The following PRDM16 variants were observed in gnomAD, a reference collection of about 807,000 sequenced individuals.
PRDM16 encodes the protein histone-lysine N-methyltransferase PRDM16.
In PRDM16, 23 loss-of-function variants were observed where a neutral mutation model predicts 110.6. The ratio of observed to expected loss-of-function variants is 0.21; its 90% CI spans 0.15 to 0.29. PRDM16 has a LOEUF of 0.29. Among genes scored for constraint, PRDM16 ranks in the 10% least tolerant of loss-of-function variants. PRDM16 has a pLI of 1.00. For synonymous variants in PRDM16, 799 were observed against 781.8 expected (o/e 1.02, Z -0.37); for missense variants, 1,615 against 1,794.3 (o/e 0.90, Z 1.81).
intron 3 of PRDM16, among the ~76,000 whole-genome samples, chr1:3,264,483 A>G (rs1640240464): frequency 6.8e-6 from 1 of 147,720 alleles, no homozygotes; most frequent in Non-Finnish European, 1.5e-5. Context: ...ACCCTAGGCC[A>G]GGAGGAGAGG....
chr1:3,154,584 T>C (rs937357691), intron 1 of PRDM16, among the ~76,000 whole-genome samples: 3 of 152,140 alleles, frequency 2.0e-5, no homozygotes, highest in Non-Finnish European at 4.4e-5. Flanking sequence ...TTGGCCCCCA[T>C]GGCCCAAGCT....
chr1:3,224,959 G>T (rs1639252521), intron 2 of PRDM16, among the ~76,000 whole-genome samples: 1 of 152,240 alleles, frequency 6.6e-6, no homozygotes, highest in Non-Finnish European at 1.5e-5. Context: ...TACGGTGCTT[G>T]GGTCAGAGAC....
intron 3 of PRDM16, among the ~76,000 whole-genome samples, chr1:3,323,049 G>A (rs1460394177): frequency 1.3e-5 from 2 of 152,164 alleles, no homozygotes; most frequent in Admixed American, 6.5e-5. Context: ...TGCGACACCC[G>A]AGCACAGAGC....
At chr1:3,319,384 T>C (rs1005263946) in intron 3 of PRDM16, among the ~76,000 whole-genome samples, 2 of 152,142 alleles carry the variant, frequency 1.3e-5, no homozygotes, top group Non-Finnish European at 2.9e-5. Flanking sequence ...TATTCCAAAA[T>C]GTTTGGCCTT....
At chr1:3,317,117 C>T (rs146004863) in intron 3 of PRDM16, among the ~76,000 whole-genome samples, 10 of 152,322 alleles carry the variant, frequency 6.6e-5, no homozygotes, top group Non-Finnish European at 1.3e-4. Flanking sequence ...CAGCGCCCTA[C>T]GTGGTCTCGA....
intron 2 of PRDM16, 35 bp downstream of exon 2, chr1:3,186,509 C>T: frequency 7.7e-6 from 10 of 1,301,616 alleles, no homozygotes; most frequent in Non-Finnish European, 1.0e-5. Context: ...TTGATCACGG[C>T]CATTTATCTT....
chr1:3,276,969 C>T (rs917870385), intron 3 of PRDM16, among the ~76,000 whole-genome samples: 5 of 152,104 alleles, frequency 3.3e-5, no homozygotes, highest in Admixed American at 6.5e-5. Context: ...CTCTCGTCCC[C>T]GTGGTGTTTG....
intron 1 of PRDM16, among the ~76,000 whole-genome samples, chr1:3,181,611 TACAC>T (rs1225121163): frequency 7.4e-6 from 1 of 135,434 alleles, no homozygotes; most frequent in Admixed American, 7.5e-5. Context: ...CATGCAGTCT[TACAC>T]ACGGTCTTAC....
intron 2 of PRDM16, among the ~76,000 whole-genome samples, chr1:3,188,779 G>A (rs1644303154): frequency 6.6e-6 from 1 of 152,198 alleles, no homozygotes; most frequent in East Asian, 1.9e-4. Flanking sequence ...TTCGGGAGCT[G>A]ACATTGGAAC....
At position 3,437,916 on chromosome 1, in the gene PRDM16, G is replaced by A. The variant is rs546252045; in HGVS notation, c.*4105G>A. On this transcript the variant is annotated 3_prime_UTR_variant, in exon 17 of 17. Coordinates refer to ENST00000270722, the MANE Select transcript of PRDM16 (RefSeq NM_022114.4). ...TGGTGTCAGAGTCGTAATTTAAAGC[G>A]TGTGTGTATATGGACTTTGTCCCTT... The A allele has an allele frequency of 7.4e-4, 162 of 220,200 alleles. No homozygotes were observed. The highest frequency in any genetic ancestry group is 1.2e-3 in the Non-Finnish European group (128 of 109,782). The allele number at this position is 220,200 out of a possible 1,614,324, so 13.6% of individuals were successfully genotyped here.
intron 3 of PRDM16, among the ~76,000 whole-genome samples, chr1:3,383,739 C>T (rs1259635844): frequency 4.6e-5 from 7 of 152,194 alleles, no homozygotes; most frequent in Admixed American, 3.9e-4. Context: ...CCACTGTTTT[C>T]ACTTGGACAG....
intron 3 of PRDM16, among the ~76,000 whole-genome samples, chr1:3,368,782 C>T (rs1642861047): frequency 6.6e-6 from 1 of 152,168 alleles, no homozygotes; most frequent in African/African-American, 2.4e-5. Flanking sequence ...GCAGCTCCCT[C>T]CAGGGAGGAA....
At chr1:3,419,951 T>C (rs886188690) in intron 12 of PRDM16, among the ~76,000 whole-genome samples, 1 of 150,328 alleles carries the variant, frequency 6.7e-6, no homozygotes, top group African/African-American at 2.4e-5. Flanking sequence ...CAAAAAATAG[T>C]GACTTACAAC....
At chr1:3,364,327 T>C (rs1343567693) in intron 3 of PRDM16, among the ~76,000 whole-genome samples, 1 of 152,250 alleles carries the variant, frequency 6.6e-6, no homozygotes, top group South Asian at 2.1e-4. Flanking sequence ...TGGTTTTCCA[T>C]GAAGTGGCCC....
intron 2 of PRDM16, among the ~76,000 whole-genome samples, chr1:3,230,995 G>C (rs2100885225): frequency 6.6e-6 from 1 of 152,260 alleles, no homozygotes; most frequent in South Asian, 2.1e-4. Context: ...CCGCCTCTCT[G>C]CTGGCAGCTG....
chr1:3,277,645 C>T (rs1024707830), intron 3 of PRDM16, among the ~76,000 whole-genome samples: 3 of 152,368 alleles, frequency 2.0e-5, no homozygotes, highest in Non-Finnish European at 2.9e-5. Flanking sequence ...GGACTGGGCA[C>T]AACGAGGCAT....
chr1:3,360,923 G>A (rs1395120239), intron 3 of PRDM16, among the ~76,000 whole-genome samples: 4 of 152,182 alleles, frequency 2.6e-5, no homozygotes, highest in Non-Finnish European at 4.4e-5. Context: ...CCAGATGTGC[G>A]GGTGCCGTCC....
chr1:3,396,746 T>A (rs1643392743), intron 5 of PRDM16, among the ~76,000 whole-genome samples, 153 bp downstream of exon 5: 1 of 152,200 alleles, frequency 6.6e-6, no homozygotes, highest in Admixed American at 6.5e-5. Context: ...GCCTCCATTT[T>A]TGCAGACCTC....
intron 1 of PRDM16, among the ~76,000 whole-genome samples, chr1:3,131,668 G>C (rs553187510): frequency 6.6e-6 from 1 of 152,220 alleles, no homozygotes; most frequent in African/African-American, 2.4e-5. Context: ...GGTTGGTCAC[G>C]CCTCTGGTCT....
Sources: allele counts gnomAD v4.1 joint callset (sites outside exome capture counted in the v4.1 genomes callset), GRCh38; gene constraint gnomAD v4.1.1; transcripts MANE v1.5; gene names NCBI Gene and HGNC (gene_info 2026-07-23, HGNC 2026-07-21).